Variants in KDM7A observed in about 807,000 individuals in gnomAD.
The protein encoded by KDM7A is lysine-specific demethylase 7A.
A neutral mutation model predicts 114.8 loss-of-function variants in KDM7A; 28 were observed. That is an observed-to-expected ratio of 0.24 (90% CI 0.18 to 0.33). The LOEUF (loss-of-function observed/expected upper bound fraction) is 0.33, where lower values mean the gene tolerates loss of function less well. Among genes scored for constraint, KDM7A ranks in the 10% least tolerant of loss-of-function variants. KDM7A has a pLI of 1.00. For missense variants in KDM7A, 942 were observed against 1,142.5 expected, an observed-to-expected ratio of 0.82 and a Z score of 2.53; for synonymous variants, 423 against 397.8, an observed-to-expected ratio of 1.06 and a Z score of -0.75.
intron 10 of KDM7A, 66 bp from the exon 11 acceptor site, chr7:140,111,250 T>C: frequency 9.7e-7 from 1 of 1,026,598 alleles, no homozygotes; most frequent in Admixed American, 2.1e-5. Context: ...AAAAACAAAT[T>C]TACTAAACCA....
intron 9 of KDM7A, among the ~76,000 whole-genome samples, chr7:140,115,847 C>A (rs973690384): frequency 1.2e-4 from 13 of 109,418 alleles, no homozygotes; most frequent in South Asian, 5.7e-4. Context: ...ATTAATAGTA[C>A]AAGAAAAGTA....
intron 2 of KDM7A, 43 bp downstream of exon 2, chr7:140,139,062 T>C (rs1818913550): frequency 1.1e-5 from 14 of 1,317,270 alleles, no homozygotes; most frequent in Non-Finnish European, 1.5e-5. Context: ...GAAATGTCAG[T>C]TTTTCTGAAA....
intron 1 of KDM7A, among the ~76,000 whole-genome samples, chr7:140,164,833 A>C (rs1286805711): frequency 6.6e-6 from 1 of 152,188 alleles, no homozygotes; most frequent in African/African-American, 2.4e-5. Context: ...GTGAATTGAT[A>C]CTCACTGAAG....
rs1403197671 is a variant in KDM7A, at chr7:140,176,566, C to T, written c.194+178G>A. On this transcript the variant is annotated intron_variant, in intron 1 of 19. Transcript: ENST00000397560. This position sits in a 1 kb window ranked among gnomAD's most constrained non-coding sequence, Gnocchi z 4.4. Reference sequence around the variant, plus strand: ...CACCGGCTCCCCTCTGGAGCCCGCCCGGCGAACCCGGGGCACCGCGCGCCC... The same window carrying T: ...CACCGGCTCCCCTCTGGAGCCCGCCTGGCGAACCCGGGGCACCGCGCGCCC... Among the ~76,000 whole-genome samples the T allele has an allele frequency of 6.8e-6, 1 of 146,566 alleles. No homozygotes were observed. Among genetic ancestry groups the T allele is most frequent in the Non-Finnish European group, 1.5e-5 (1 of 65,900 alleles).
chr7:140,123,213 G>A (rs1818643137), intron 7 of KDM7A, among the ~76,000 whole-genome samples: 1 of 152,184 alleles, frequency 6.6e-6, no homozygotes, highest in African/African-American at 2.4e-5. Flanking sequence ...GGAGAAACTG[G>A]AACCCAAATA....
chr7:140,092,431 T>C (rs1197155765), intron 18 of KDM7A, among the ~76,000 whole-genome samples: 1 of 152,170 alleles, frequency 6.6e-6, no homozygotes, highest in Non-Finnish European at 1.5e-5. Context: ...AAGTCACAGC[T>C]CCCTTGGACC....
Position 140,102,083 on chromosome 7 carries a change from A to G in KDM7A, c.1506T>C (p.Thr502=). Residue 502 remains threonine (T), a synonymous_variant, in exon 12 of 20, where the codon ACT becomes ACC. Transcript: ENST00000397560. ...TCTTTCTTCGGGAATGGTATGGGGA[A>G]GTTGCTTCATTTGAGGATCGTGAAA... The part of the protein sequence containing the change: ...CPVSRSSNEA[T]SPYHSRRKMR... The G allele has an allele frequency of 6.2e-7, 1 of 1,613,996 alleles. No homozygotes were observed. Among genetic ancestry groups the G allele is most frequent in the East Asian group, 2.2e-5 (1 of 44,880 alleles).
chr7:140,096,355 T>C (rs1818108971), intron 17 of KDM7A, among the ~76,000 whole-genome samples, 200 bp downstream of exon 17: 2 of 152,200 alleles, frequency 1.3e-5, no homozygotes, highest in Non-Finnish European at 2.9e-5. Context: ...CAATTGTCAA[T>C]CCCAGGTAAT....
intron 9 of KDM7A, among the ~76,000 whole-genome samples, chr7:140,114,440 G>A (rs1307771388): frequency 6.6e-6 from 1 of 152,174 alleles, no homozygotes; most frequent in South Asian, 2.1e-4. Flanking sequence ...GAGGTGCCGG[G>A]ATTGCAGACG....
At chr7:140,130,360 C>T (rs1818765660) in intron 3 of KDM7A, among the ~76,000 whole-genome samples, 1 of 152,158 alleles carries the variant, frequency 6.6e-6, no homozygotes, top group Non-Finnish European at 1.5e-5. Context: ...TGGCTCATGT[C>T]TGTAATTTCC....
At chr7:140,092,112 T>C (rs971123580) in intron 18 of KDM7A, 35 bp from the exon 19 acceptor site, 4 of 1,609,112 alleles carry the variant, frequency 2.5e-6, no homozygotes, top group South Asian at 1.1e-5. Context: ...GCTGAATTTT[T>C]AGGGTTTAAA....
Position 140,124,711 on chromosome 7 carries a change from C to A in KDM7A, c.961G>T (p.Val321Leu). The A allele has an allele frequency of 6.2e-7, 1 of 1,613,110 alleles. No individual in the cohort carries two copies. Among genetic ancestry groups the A allele is most frequent in the Admixed American group, 1.7e-5 (1 of 59,970 alleles). ...LARYESWSSS[V>L]TQSEVFFGDK... ...CCAAAGAACACCTCACTCTGGGTCA[C>A]AGATGAACTCCAAGATTCATAACGT... Residue 321 changes from valine (V) to leucine (L), a missense_variant, in exon 7 of 20, where the codon GTG becomes TTG. This residue lies in a region of KDM7A where 318 missense variants were observed against 453.1 expected (regional missense o/e 0.70). Coordinates refer to ENST00000397560, the MANE Select transcript of KDM7A (RefSeq NM_030647.2).
chr7:140,149,738 C>T (rs1244553931), intron 1 of KDM7A, among the ~76,000 whole-genome samples: 2 of 152,028 alleles, frequency 1.3e-5, no homozygotes, highest in Non-Finnish European at 2.9e-5. Flanking sequence ...AATATCATCC[C>T]AAAATGAATA....
chr7:140,150,704 C>T, intron 1 of KDM7A, among the ~76,000 whole-genome samples: 1 of 152,128 alleles, frequency 6.6e-6, no homozygotes, highest in East Asian at 1.9e-4. Flanking sequence ...CACCATAGAA[C>T]CTTCTCTATA....
At chr7:140,127,615 A>T in intron 4 of KDM7A, 32 bp from the exon 5 acceptor site, 1 of 1,588,400 alleles carries the variant, frequency 6.3e-7, no homozygotes, top group Non-Finnish European at 8.6e-7. Flanking sequence ...TTATTATTGG[A>T]CTTAAGAGTT....
At chr7:140,097,789 T>C (rs763235295) in intron 14 of KDM7A, 147 bp from the exon 15 acceptor site, 3 of 546,194 alleles carry the variant, frequency 5.5e-6, no homozygotes, top group Non-Finnish European at 1.0e-5. Flanking sequence ...ATTTTCTTCA[T>C]TTCTTTCTCC....
chr7:140,159,029 T>G (rs925654177), intron 1 of KDM7A, among the ~76,000 whole-genome samples: 1 of 152,052 alleles, frequency 6.6e-6, no homozygotes, highest in African/African-American at 2.4e-5. Flanking sequence ...AAGGGTTTTT[T>G]GTTTGTTTGT....
chr7:140,138,311 T>TA (rs201914719), intron 2 of KDM7A, among the ~76,000 whole-genome samples: 9,961 of 144,472 alleles, frequency 0.069, 374 homozygotes, highest in East Asian at 0.14. Context: ...CTGTCTCAAA[T>TA]AAAAAAAAAA....
chr7:140,175,057 C>A (rs183053904), intron 1 of KDM7A, among the ~76,000 whole-genome samples: 3 of 151,966 alleles, frequency 2.0e-5, no homozygotes, highest in Non-Finnish European at 4.4e-5. Flanking sequence ...ATTCTAGTTG[C>A]GTAGAATATG....
Sources: allele counts gnomAD v4.1 joint callset (sites outside exome capture counted in the v4.1 genomes callset), GRCh38; gene constraint gnomAD v4.1.1; regional missense constraint gnomAD v4.1.1; non-coding constraint Gnocchi (gnomAD v3.1); transcripts MANE v1.5; gene names NCBI Gene and HGNC (gene_info 2026-07-23, HGNC 2026-07-21).